Variants in MGST1 observed in about 807,000 individuals in gnomAD.
MGST1 encodes the protein microsomal glutathione S-transferase 1.
In MGST1, 5 loss-of-function variants were observed where a neutral mutation model predicts 8.9. The observed-to-expected ratio is 0.56, with a 90% CI of 0.29 to 1.19. The LOEUF (loss-of-function observed/expected upper bound fraction) is 1.19, where lower values mean the gene tolerates loss of function less well. Among genes scored for constraint, MGST1 ranks in the 50% most tolerant of loss-of-function variants. The pLI, the probability that MGST1 is intolerant of heterozygous loss-of-function variation, is 0.08. For missense variants in MGST1, 182 were observed against 187.4 expected (o/e 0.97, Z 0.17); for synonymous variants, 54 against 67.8 (o/e 0.80, Z 1.00).
intron 4 of MGST1, among the ~76,000 whole-genome samples, chr12:16,484,093 A>C (rs1941383022): frequency 6.6e-6 from 1 of 152,174 alleles, no homozygotes. Flanking sequence ...CTCAAAGCAA[A>C]AATAACCCTT....
intron 4 of MGST1, among the ~76,000 whole-genome samples, chr12:16,539,180 A>G (rs915940116): frequency 2.0e-5 from 3 of 152,178 alleles, no homozygotes; most frequent in African/African-American, 4.8e-5. Context: ...GGGTTAGGGT[A>G]ACATATAATC....
intron 1 of MGST1, among the ~76,000 whole-genome samples, chr12:16,391,201 G>T (rs1397975243): frequency 3.4e-5 from 5 of 146,542 alleles, no homozygotes; most frequent in Non-Finnish European, 7.5e-5. Context: ...GAGCAGGTTT[G>T]TTATGTAGGT....
chr12:16,415,333 T>TGCAGCAAAAAAGA (rs1322561831), intron 1 of MGST1, among the ~76,000 whole-genome samples: 1 of 152,214 alleles, frequency 6.6e-6, no homozygotes, highest in African/African-American at 2.4e-5. Context: ...TCTGAGAACC[T>TGCAGCAAAAAAGA]CCTCTTATTT....
downstream of MGST1, among the ~76,000 whole-genome samples, chr12:16,368,152 A>G (rs1422429079): frequency 2.0e-5 from 3 of 152,128 alleles, no homozygotes; most frequent in Admixed American, 1.3e-4. Context: ...CCGATCTAAC[A>G]TTCAATGATT....
chr12:16,372,109 A>C (rs530713853), intron 3 of MGST1, among the ~76,000 whole-genome samples: 72 of 152,094 alleles, frequency 4.7e-4, no homozygotes, highest in Admixed American at 1.1e-3. Context: ...GAAACACTCC[A>C]GGATTTTGGT....
At chr12:16,557,980 T>G (rs1942255407) in intron 4 of MGST1, among the ~76,000 whole-genome samples, 1 of 152,080 alleles carries the variant, frequency 6.6e-6, no homozygotes, top group South Asian at 2.1e-4. Context: ...ACAAAAACTT[T>G]TGAAGATACA....
chr12:16,359,109 A>G (rs1334498713), intron 3 of MGST1, among the ~76,000 whole-genome samples: 4 of 152,158 alleles, frequency 2.6e-5, no homozygotes, highest in African/African-American at 9.7e-5. Context: ...GACTTGAGTA[A>G]GTGGAAGTGC....
At chr12:16,488,337 C>A (rs949601766) in intron 4 of MGST1, among the ~76,000 whole-genome samples, 3 of 152,066 alleles carry the variant, frequency 2.0e-5, no homozygotes, top group Non-Finnish European at 4.4e-5. Flanking sequence ...TGGAATGGGG[C>A]CTCAGTTCCA....
At chr12:16,524,740 A>T (rs957202805) in intron 4 of MGST1, among the ~76,000 whole-genome samples, 1 of 152,112 alleles carries the variant, frequency 6.6e-6, no homozygotes, top group Non-Finnish European at 1.5e-5. Flanking sequence ...CTTATTGTAC[A>T]AACCCATCTA....
intron 4 of MGST1, among the ~76,000 whole-genome samples, chr12:16,521,093 C>T (rs2137189874): frequency 6.6e-6 from 1 of 152,246 alleles, no homozygotes; most frequent in East Asian, 1.9e-4. Context: ...TTGATTACCG[C>T]TCTTTAGGTA....
chr12:16,524,138 C>T (rs1341709615), intron 4 of MGST1, among the ~76,000 whole-genome samples: 8 of 151,916 alleles, frequency 5.3e-5, no homozygotes, highest in Admixed American at 6.6e-5. Flanking sequence ...GTTTTATTAG[C>T]TGGTATCAGA....
At chr12:16,462,217 T>C (rs1941226060) in intron 4 of MGST1, among the ~76,000 whole-genome samples, 1 of 152,328 alleles carries the variant, frequency 6.6e-6, no homozygotes, top group South Asian at 2.1e-4. Flanking sequence ...TCTAGTTGTT[T>C]GGAGCTTTTG....
chr12:16,469,473 G>A (rs145578942), intron 4 of MGST1, among the ~76,000 whole-genome samples: 2 of 152,306 alleles, frequency 1.3e-5, no homozygotes, highest in East Asian at 3.9e-4. Context: ...ACAGGCATGA[G>A]CCACCATGCC....
At chr12:16,402,812 G>A (rs996732003) in intron 1 of MGST1, among the ~76,000 whole-genome samples, 6 of 151,218 alleles carry the variant, frequency 4.0e-5, no homozygotes, top group East Asian at 1.9e-4. Context: ...CATTATATAG[G>A]TGTTCTTCAT....
intron 4 of MGST1, among the ~76,000 whole-genome samples, chr12:16,564,737 G>A (rs762067473): frequency 6.6e-6 from 1 of 152,136 alleles, no homozygotes; most frequent in East Asian, 1.9e-4. Context: ...TCTGAGTAAA[G>A]ATCAGATCAG....
At chr12:16,541,723 G>T (rs1384739091) in intron 4 of MGST1, among the ~76,000 whole-genome samples, 1 of 152,090 alleles carries the variant, frequency 6.6e-6, no homozygotes. Flanking sequence ...GAGCCAGATT[G>T]GAAGGAGAAG....
downstream of MGST1, among the ~76,000 whole-genome samples, chr12:16,367,771 A>C (rs548658923): frequency 6.6e-6 from 1 of 152,340 alleles, no homozygotes; most frequent in Non-Finnish European, 1.5e-5. Flanking sequence ...TCTATTGGCC[A>C]CAGCACCCCA....
intron 4 of MGST1, among the ~76,000 whole-genome samples, chr12:16,468,932 T>G (rs933128442): frequency 1.8e-4 from 28 of 152,194 alleles, no homozygotes; most frequent in African/African-American, 5.1e-4. Context: ...CCTTTTCAGG[T>G]GTAGTGATCA....
Position 16,586,230 on chromosome 12 carries a change from A to G in MGST1, n.483-3298A>G, listed in dbSNP as rs902547948. 1.3e-5 allele frequency among the ~76,000 whole-genome samples: 2 copies of G among 152,232 alleles called. No homozygotes were observed. The highest frequency in any genetic ancestry group is 2.9e-5 in the Non-Finnish European group (2 of 68,044). The stretch of plus-strand genomic sequence containing the variant: ...TTTCCTTCAGATGACTTCTTAAAAC[A>G]TAAGAATGGAAAAGCAGCATTTGAA... On this transcript the variant is annotated intron_variant and non_coding_transcript_variant, in intron 4 of 4. Transcript: ENST00000538857. This position sits in a 1 kb window ranked among gnomAD's most constrained non-coding sequence, Gnocchi z 4.3.
Sources: allele counts gnomAD v4.1 joint callset (sites outside exome capture counted in the v4.1 genomes callset), GRCh38; gene constraint gnomAD v4.1.1; non-coding constraint Gnocchi (gnomAD v3.1); transcripts MANE v1.5; gene names NCBI Gene and HGNC (gene_info 2026-07-23, HGNC 2026-07-21).